CLEC19A: variants seen among roughly 807,000 people sequenced by gnomAD.
CLEC19A encodes C-type lectin domain family 19 member A.
A neutral mutation model predicts 26.1 loss-of-function variants in CLEC19A; 21 were observed. The observed-to-expected ratio is 0.80, with a 90% CI of 0.57 to 1.16. The LOEUF is 1.16. Ranked by LOEUF, CLEC19A falls within the 50% of genes most tolerant of loss-of-function variation. The pLI is 0.00. For synonymous variants in CLEC19A, 89 were observed against 88.6 expected (o/e 1.00, Z -0.03); for missense variants, 224 against 227.6 (o/e 0.98, Z 0.10).
intron 1 of CLEC19A, among the ~76,000 whole-genome samples, chr16:19,289,677 A>G (rs1054343664): frequency 1.3e-5 from 2 of 152,244 alleles, no homozygotes; most frequent in Non-Finnish European, 2.9e-5. Context: ...AATGGCTGCT[A>G]TTATTAGCAA....
At position 19,301,735 on chromosome 16, in the gene CLEC19A, G is replaced by GTTTTTTTT. The variant is rs750529291; in HGVS notation, c.255-2327_255-2326insTTTTTTTT. 1.5e-3 allele frequency among the ~76,000 whole-genome samples: 51 copies of GTTTTTTTT among 35,096 alleles called. 2 individuals are homozygous for GTTTTTTTT. Among genetic ancestry groups the GTTTTTTTT allele is most frequent in the Admixed American group, 2.3e-3 (7 of 3,072 alleles). The allele number at this position is 35,096 out of a possible 152,430, so 23.0% of individuals were successfully genotyped here. A position where few individuals can be genotyped will look rare whatever the true frequency, so the allele number is the denominator to read the frequency against. ...CATGACACCATGCCCAGGTTTTTTT[G>GTTTTTTTT]GTTTTTTTTTTTTTTTTTTTTTTTT... On this transcript the variant is annotated intron_variant, in intron 2 of 4. Transcript: ENST00000636231.
intron 3 of CLEC19A, 75 bp downstream of exon 3, chr16:19,304,230 C>A: frequency 8.0e-7 from 1 of 1,245,756 alleles, no homozygotes; most frequent in Non-Finnish European, 1.1e-6. Flanking sequence ...AAGCTTTTCA[C>A]ATCAGTGCCA....
chr16:19,308,333 G>T (rs1418549586), intron 4 of CLEC19A, among the ~76,000 whole-genome samples: 4 of 152,162 alleles, frequency 2.6e-5, no homozygotes, highest in Non-Finnish European at 2.9e-5. Flanking sequence ...TTAATGTGTA[G>T]CCCAAAGAGA....
rs1216326237 is a variant in CLEC19A, at chr16:19,301,729, TTTTTTGG to T, written c.255-2327_255-2321del. ...CAGGCGCATGACACCATGCCCAGGTTTTTTTGGTTTTTTTTTTTTTTTTTTTTTTTTT... is the reference window on the plus strand; with the variant it reads ...CAGGCGCATGACACCATGCCCAGGTTTTTTTTTTTTTTTTTTTTTTTTTTT... On this transcript the variant is annotated intron_variant, in intron 2 of 4. Transcript: ENST00000636231. 1.4e-4 allele frequency among the ~76,000 whole-genome samples: 9 copies of T among 63,926 alleles called. No individual in the cohort carries two copies. The East Asian group carries it at 2.9e-3, about 21-fold the overall frequency. 41.9% of individuals were successfully genotyped at this position (63,926 alleles called of 152,430 possible). A position where few individuals can be genotyped will look rare whatever the true frequency, so the allele number is the denominator to read the frequency against.
chr16:19,303,788 C>T, intron 2 of CLEC19A: 1 of 333,958 alleles, frequency 3.0e-6, no homozygotes, highest in Non-Finnish European at 5.6e-6. Flanking sequence ...CAATATAATC[C>T]ACCTCATTTG....
intron 1 of CLEC19A, among the ~76,000 whole-genome samples, chr16:19,288,297 G>C (rs1167617614): frequency 6.6e-6 from 1 of 152,170 alleles, no homozygotes; most frequent in African/African-American, 2.4e-5. Flanking sequence ...GGGCAGGAGC[G>C]TGTGTGTTGG....
intron 3 of CLEC19A, among the ~76,000 whole-genome samples, chr16:19,306,515 A>G (rs1897958987): frequency 6.6e-6 from 1 of 151,720 alleles, no homozygotes; most frequent in Admixed American, 6.6e-5. Flanking sequence ...AAACACTAAA[A>G]TGTCCATTTA....
At chr16:19,298,651 T>C (rs1412602133) in intron 1 of CLEC19A, 22 bp from the exon 2 acceptor site, 14 of 1,550,116 alleles carry the variant, frequency 9.0e-6, no homozygotes, top group Non-Finnish European at 1.2e-5. Context: ...TTCCTCCCAG[T>C]CTGTTTCCTT....
rs574962697 is a variant in CLEC19A, at chr16:19,309,037, G to A, written c.515G>A (p.Arg172Gln). The change falls in exon 5 of 5, where the codon CGG becomes CAG. Residue 172 changes from arginine (R) to glutamine (Q), a missense_variant. Transcript: ENST00000636231. ...TCATGGAATGATAACACCTGCAGCC[G>A]GAAGTTCCCCTTTGTCTGCAAAATC... Reference protein sequence around the residue: ...LRSWNDNTCSRKFPFVCKIPS... With the variant: ...LRSWNDNTCSQKFPFVCKIPS... 469 of 1,548,276 alleles carry A rather than the reference G, an allele frequency of 3.0e-4. 1 individual carries two copies. The African/African-American group carries it at 5.3e-3, about 17-fold the overall frequency.
intron 1 of CLEC19A, among the ~76,000 whole-genome samples, chr16:19,294,078 G>T (rs1897650399): frequency 1.3e-5 from 2 of 151,244 alleles, no homozygotes; most frequent in Non-Finnish European, 2.9e-5. Flanking sequence ...ACCCTTCCTG[G>T]CTTCTGGTAA....
intron 1 of CLEC19A, among the ~76,000 whole-genome samples, chr16:19,287,765 G>T (rs1158519608): frequency 6.6e-6 from 1 of 152,190 alleles, no homozygotes; most frequent in Non-Finnish European, 1.5e-5. Flanking sequence ...GGGATAACAA[G>T]GGTCCTTATC....
Position 19,304,158 on chromosome 16 carries a change from G to A in CLEC19A, c.348+3G>A, listed in dbSNP as rs1170913299. 48 of 1,550,364 alleles carry A rather than the reference G, an allele frequency of 3.1e-5. No homozygotes were observed. The highest frequency in any genetic ancestry group is 4.0e-5 in the Non-Finnish European group (46 of 1,146,832). ...CAGGCCTTCATGATCACAGACAGGTGAGAAAGCAGTGGCCATTGGGCCCCC... is the reference window on the plus strand; with the variant it reads ...CAGGCCTTCATGATCACAGACAGGTAAGAAAGCAGTGGCCATTGGGCCCCC... On this transcript the variant is annotated splice_donor_region_variant and intron_variant, in intron 3 of 4. Coordinates refer to ENST00000636231, the MANE Select transcript of CLEC19A (RefSeq NM_001256720.2).
intron 2 of CLEC19A, among the ~76,000 whole-genome samples, chr16:19,301,823 C>T (rs1403964281): frequency 7.5e-6 from 1 of 133,838 alleles, no homozygotes; most frequent in Non-Finnish European, 1.5e-5. Context: ...AATCTCTTGA[C>T]CTCGTGATCT....
chr16:19,304,179 C>T lies in CLEC19A; in HGVS notation c.348+24C>T, dbSNP rs149667222. 4 of 1,537,584 alleles carry T rather than the reference C, an allele frequency of 2.6e-6. No homozygotes were observed. The African/African-American group carries it at 4.1e-5, about 16-fold the overall frequency. The stretch of plus-strand genomic sequence containing the variant: ...AGGTGAGAAAGCAGTGGCCATTGGG[C>T]CCCCTTGGAAGCTCCAGCCAGGATT... On this transcript the variant is annotated intron_variant, in intron 3 of 4. Coordinates refer to ENST00000636231, the MANE Select transcript of CLEC19A (RefSeq NM_001256720.2).
chr16:19,291,734 A>AG lies in CLEC19A; in HGVS notation c.88+5800dup, dbSNP rs542316310. Among the ~76,000 whole-genome samples, 9 of 152,236 alleles carry AG rather than the reference A, an allele frequency of 5.9e-5. No homozygotes were observed. In the East Asian group the frequency reaches 1.7e-3, roughly 29 times the overall value. On this transcript the variant is annotated intron_variant, in intron 1 of 4. Coordinates refer to ENST00000636231, the MANE Select transcript of CLEC19A (RefSeq NM_001256720.2). ...CCTTAAACCCAAGAGGTAAAGGAGG[A>AG]GGGGGAAATGCCGTGCAGGCTGGAG...
chr16:19,307,818 G>A, intron 4 of CLEC19A, 141 bp downstream of exon 4: 2 of 1,105,900 alleles, frequency 1.8e-6, no homozygotes, highest in Non-Finnish European at 2.6e-6. Flanking sequence ...GAGAGCGGTG[G>A]AGGTCACTAG....
intron 1 of CLEC19A, among the ~76,000 whole-genome samples, chr16:19,287,506 C>A (rs179198): frequency 0.42 from 63,113 of 152,004 alleles, 13,834 homozygotes; most frequent in African/African-American, 0.56. Flanking sequence ...AGTGACTTGC[C>A]TCCTTACTCT....
At position 19,298,667 on chromosome 16, in the gene CLEC19A, C is replaced by T; in HGVS notation, c.89-6C>T. ...TCCTCCCAGTCTGTTTCCTTTCTGC[C>T]CCCAGCCCTGCCAGAGCTGCCCCTG... is the stretch of plus-strand genomic sequence containing the variant. On this transcript the variant is annotated splice_region_variant and splice_polypyrimidine_tract_variant and intron_variant, in intron 1 of 4. Transcript: ENST00000636231. 1 of 1,550,736 alleles carries T rather than the reference C, an allele frequency of 6.4e-7. No homozygotes were observed. The highest frequency in any genetic ancestry group is 8.7e-7 in the Non-Finnish European group (1 of 1,146,982).
chr16:19,293,992 A>T (rs1396017406), intron 1 of CLEC19A, among the ~76,000 whole-genome samples: 1 of 152,046 alleles, frequency 6.6e-6, no homozygotes, highest in Non-Finnish European at 1.5e-5. Context: ...CAAATACTAG[A>T]TCTTATTCAT....
Sources: allele counts gnomAD v4.1 joint callset (sites outside exome capture counted in the v4.1 genomes callset), GRCh38; gene constraint gnomAD v4.1.1; transcripts MANE v1.5; gene names NCBI Gene and HGNC (gene_info 2026-07-23, HGNC 2026-07-21).